Variants in TRMT44 observed in about 807,000 individuals in gnomAD.
TRMT44 encodes probable tRNA (uracil-O(2)-)-methyltransferase.
Under a neutral mutation model 77.3 loss-of-function variants are expected in TRMT44, and 78 were observed. The observed-to-expected ratio is 1.01, with a 90% confidence interval of 0.84 to 1.22. The LOEUF is 1.22. TRMT44 is among the 50% of genes most tolerant of loss of function. The probability of loss-of-function intolerance (pLI) is 0.00; values close to 1 mark genes in which losing one functional copy is unlikely to be tolerated. For synonymous variants in TRMT44, 391 were observed against 383.3 expected, an observed-to-expected ratio of 1.02 and a Z score of -0.23; for missense variants, 1,090 against 964.4, an observed-to-expected ratio of 1.13 and a Z score of -1.73.
chr4:8,512,704 G>A, the TRMT44 span: 24 of 152,306 alleles, frequency 1.6e-4, no homozygotes, highest in African/African-American at 5.5e-4. Flanking sequence ...GATCGATCAC[G>A]TCACCAGACG....
rs1725473563 is a variant in TRMT44, at chr4:8,451,869, T to C, written c.955-91T>C. 1 of 1,178,630 alleles carries C rather than the reference T, an allele frequency of 8.5e-7. No individual in the cohort carries two copies. Among genetic ancestry groups the C allele is most frequent in the Non-Finnish European group, 1.2e-6 (1 of 822,956 alleles). The allele number at this position is 1,178,630 out of a possible 1,614,324, so 73.0% of individuals were successfully genotyped here. A position where few individuals can be genotyped will look rare whatever the true frequency, so the allele number is the denominator to read the frequency against. On this transcript the variant is annotated intron_variant, in intron 3 of 10. Transcript: ENST00000389737. This position sits in a 1 kb window ranked among gnomAD's most constrained non-coding sequence, Gnocchi z 4.1. The stretch of plus-strand genomic sequence containing the variant: ...CTATTTTAGTGTACGATTAGTCCAG[T>C]TTGATTTATGCTTTATAGGGATACT...
the TRMT44 span, among the ~76,000 whole-genome samples, chr4:8,500,759 G>T: frequency 6.6e-6 from 1 of 151,738 alleles, no homozygotes; most frequent in African/African-American, 2.4e-5. Context: ...CTGGGTTCAA[G>T]CAATCCTTGT....
chr4:8,512,631 T>C, the TRMT44 span: 50 of 152,226 alleles, frequency 3.3e-4, no homozygotes, highest in African/African-American at 1.2e-3. Context: ...TTATGAAAGG[T>C]AAATTTCTCG....
chr4:8,468,920 A>T (rs950850585), intron 9 of TRMT44, among the ~76,000 whole-genome samples: 1 of 152,192 alleles, frequency 6.6e-6, no homozygotes, highest in Admixed American at 6.5e-5. Flanking sequence ...CCGGGCAGGG[A>T]TGCTGCTTGG....
At position 8,446,079 on chromosome 4, in the gene TRMT44, C is replaced by T. The variant is rs1454754657; in HGVS notation, c.620-397C>T. ...CTGATATCCGCTTTCCTGAACTGGC[C>T]TCTGATGGCTGAGCAGTGTTCTGTG... is the stretch of plus-strand genomic sequence containing the variant. On this transcript the variant is annotated intron_variant, in intron 1 of 10. Coordinates refer to ENST00000389737, the MANE Select transcript of TRMT44 (RefSeq NM_152544.3). The surrounding 1 kb of genome is among the most constrained non-coding windows in gnomAD (Gnocchi z 4.3). Among the ~76,000 whole-genome samples, 2 of 152,342 alleles carry T rather than the reference C, an allele frequency of 1.3e-5. No individual in the cohort carries two copies. The highest frequency in any genetic ancestry group is 6.5e-5 in the Admixed American group (1 of 15,300).
the TRMT44 span, among the ~76,000 whole-genome samples, chr4:8,502,447 G>A: frequency 6.6e-6 from 1 of 152,240 alleles, no homozygotes; most frequent in South Asian, 2.1e-4. Context: ...ATGGTGCAGT[G>A]GGTCTGAAGT....
intron 3 of TRMT44, among the ~76,000 whole-genome samples, chr4:8,450,801 T>TG (rs1365524477): frequency 1.4e-5 from 2 of 147,436 alleles, no homozygotes; most frequent in Middle Eastern, 3.4e-3. Context: ...TGTTTTTTTT[T>TG]TTTTTTTTTT....
At chr4:8,487,417 C>T (rs72503750) in intron 2 of TRMT44, among the ~76,000 whole-genome samples, 9 of 151,194 alleles carry the variant, frequency 6.0e-5, no homozygotes, top group African/African-American at 1.2e-4. Flanking sequence ...GGAAAGGGGT[C>T]GGATCGTGGA....
chr4:8,464,113 A>C, intron 7 of TRMT44, 22 bp downstream of exon 7: 3 of 1,595,526 alleles, frequency 1.9e-6, no homozygotes, highest in Non-Finnish European at 1.7e-6. Flanking sequence ...AGGAGTTATC[A>C]GGTGAATGGC....
intron 2 of TRMT44, among the ~76,000 whole-genome samples, chr4:8,486,292 T>C (rs944056535): frequency 5.3e-5 from 8 of 152,198 alleles, no homozygotes; most frequent in African/African-American, 1.9e-4. Context: ...CACTGCGGTT[T>C]AGGCATTTGG....
intron 10 of TRMT44, among the ~76,000 whole-genome samples, chr4:8,472,753 T>C (rs929405710): frequency 6.6e-6 from 1 of 152,068 alleles, no homozygotes; most frequent in Non-Finnish European, 1.5e-5. Context: ...GCCCCCAGAG[T>C]AGACACTGGG....
chr4:8,490,722 C>T (rs1213579212), intron 2 of TRMT44, among the ~76,000 whole-genome samples: 1 of 152,134 alleles, frequency 6.6e-6, no homozygotes, highest in Non-Finnish European at 1.5e-5. Context: ...AGCGAAAGAA[C>T]AAAGCTTCCA....
chr4:8,488,192 G>C (rs1362975225), intron 2 of TRMT44, among the ~76,000 whole-genome samples: 2 of 152,196 alleles, frequency 1.3e-5, no homozygotes, highest in Admixed American at 6.5e-5. Context: ...TTATCATGGA[G>C]CAAAGAGCAG....
chr4:8,509,885 A>T, the TRMT44 span: 5 of 152,368 alleles, frequency 3.3e-5, 1 homozygote, highest in Admixed American at 3.3e-4. Context: ...CTTCTGCCGC[A>T]CACGGGACTC....
downstream of TRMT44, chr4:8,478,872 C>T (rs187684345): frequency 6.6e-6 from 1 of 152,350 alleles, no homozygotes; most frequent in Non-Finnish European, 1.5e-5. Flanking sequence ...AGAGGAGGCC[C>T]ACCTGTGGTG....
At chr4:8,483,426 G>A (rs1010247017) in intron 2 of TRMT44, among the ~76,000 whole-genome samples, 2 of 151,540 alleles carry the variant, frequency 1.3e-5, no homozygotes, top group African/African-American at 2.4e-5. Flanking sequence ...TTGGGGGGGG[G>A]CACGGTCTAA....
intron 5 of TRMT44, among the ~76,000 whole-genome samples, chr4:8,454,072 G>T (rs138254877): frequency 6.6e-5 from 10 of 152,274 alleles, no homozygotes; most frequent in African/African-American, 2.4e-4. Flanking sequence ...TCTTCTGCAG[G>T]CTTGGCAGAA....
chr4:8,468,911 C>T (rs942745116), intron 9 of TRMT44, among the ~76,000 whole-genome samples: 5 of 152,224 alleles, frequency 3.3e-5, no homozygotes, highest in African/African-American at 7.2e-5. Flanking sequence ...CGCCTCCTTC[C>T]GGGCAGGGAT....
chr4:8,515,261 C>A, the TRMT44 span, among the ~76,000 whole-genome samples: 1 of 152,214 alleles, frequency 6.6e-6, no homozygotes, highest in East Asian at 1.9e-4. Flanking sequence ...GCCAATGCAC[C>A]TGGCTTCACT....
Sources: gnomAD v4.1 joint callset for allele counts (sites outside exome capture counted in the v4.1 genomes callset) on GRCh38, gnomAD v4.1.1 for gene constraint, Gnocchi (gnomAD v3.1) non-coding constraint, MANE v1.5 for transcripts, NCBI Gene and HGNC (gene_info 2026-07-23, HGNC 2026-07-21) for gene names.